BCL11B: variants seen among roughly 807,000 people sequenced by gnomAD.
BCL11B encodes the protein BCL11 transcription factor B, also known as B-cell lymphoma/leukemia 11B.
BCL11B carries 8 observed loss-of-function variants against 49.9 expected under a neutral mutation model. The observed-to-expected ratio is 0.16, with a 90% CI of 0.09 to 0.29. The LOEUF is 0.29. Among genes scored for constraint, BCL11B ranks in the 10% least tolerant of loss-of-function variants. The pLI is 1.00. For synonymous variants in BCL11B, 739 were observed against 637.4 expected (o/e 1.16, Z -2.40); for missense variants, 1,006 against 1,351.0 (o/e 0.74, Z 4.00).
At position 99,228,616 on chromosome 14, in the gene BCL11B, G is replaced by A. The variant is rs1302351692; in HGVS notation, c.640+2729C>T. On this transcript the variant is annotated intron_variant, in intron 3 of 3. Transcript: ENST00000357195. This position sits in a 1 kb window ranked among gnomAD's most constrained non-coding sequence, Gnocchi z 4.8. The stretch of plus-strand genomic sequence containing the variant: ...TGCAATCAAGCACTGGTTGCTCACA[G>A]GCTCTGAGTCCTGGCAGCTCTCAAG... Among the ~76,000 whole-genome samples the A allele has an allele frequency of 6.6e-6, 1 of 152,170 alleles. No individual in the cohort carries two copies. The highest frequency in any genetic ancestry group is 2.4e-5 in the African/African-American group (1 of 41,464).
chr14:99,245,808 A>C (rs1412655097), intron 2 of BCL11B, among the ~76,000 whole-genome samples: 1 of 152,044 alleles, frequency 6.6e-6, no homozygotes, highest in Non-Finnish European at 1.5e-5. Context: ...GTGCGCACAA[A>C]GGGGCCCGGG....
chr14:99,173,502 G>A lies in BCL11B; in HGVS notation c.*649C>T. The A allele has an allele frequency of 4.8e-6, 1 of 208,702 alleles. No individual in the cohort carries two copies. The highest frequency in any genetic ancestry group is 9.6e-6 in the Non-Finnish European group (1 of 103,770). 12.9% of individuals were successfully genotyped at this position (208,702 alleles called of 1,614,324 possible). ...GTTCTGAAACAAAGTGCTACGACTTGAAAGATTGTTATCCGCTGTACATCC... is the reference window on the plus strand; with the variant it reads ...GTTCTGAAACAAAGTGCTACGACTTAAAAGATTGTTATCCGCTGTACATCC... On this transcript the variant is annotated 3_prime_UTR_variant, in exon 4 of 4. Transcript: ENST00000357195.
rs1237626150 is a variant in BCL11B, at chr14:99,231,195, G to A, written c.640+150C>T. 5.7e-6 allele frequency: 5 copies of A among 869,598 alleles called. No individual in the cohort carries two copies. The highest frequency in any genetic ancestry group is 5.5e-5 in the East Asian group (2 of 36,222). 53.9% of individuals were successfully genotyped at this position (869,598 alleles called of 1,614,324 possible). On this transcript the variant is annotated intron_variant, in intron 3 of 3. Transcript: ENST00000357195. The surrounding 1 kb of genome is among the most constrained non-coding windows in gnomAD (Gnocchi z 8.1). Reference sequence around the variant, plus strand: ...ACCGGGCCCTGGCTCATAGTTCAGCGAACATTCTTTACCACTTCCCCTGGC... The same window carrying A: ...ACCGGGCCCTGGCTCATAGTTCAGCAAACATTCTTTACCACTTCCCCTGGC...
chr14:99,196,415 A>C (rs1432508868), intron 3 of BCL11B, among the ~76,000 whole-genome samples: 1 of 151,992 alleles, frequency 6.6e-6, no homozygotes. Flanking sequence ...CAACATGAGG[A>C]CCTCAATGTC....
At chr14:99,266,977 C>T (rs1342721990) in intron 1 of BCL11B, among the ~76,000 whole-genome samples, 4 of 152,146 alleles carry the variant, frequency 2.6e-5, no homozygotes, top group East Asian at 1.9e-4. Context: ...TATCTGTAAA[C>T]GACTGTTTTC....
intron 3 of BCL11B, among the ~76,000 whole-genome samples, chr14:99,191,968 G>A (rs954111179): frequency 6.6e-6 from 1 of 152,134 alleles, no homozygotes; most frequent in Non-Finnish European, 1.5e-5. Flanking sequence ...GGATGACCAC[G>A]CAAGCTTAAG....
chr14:99,180,284 G>A (rs770163307), intron 3 of BCL11B, among the ~76,000 whole-genome samples: 9 of 152,326 alleles, frequency 5.9e-5, no homozygotes, highest in South Asian at 2.1e-4. Flanking sequence ...ACCTAGAAAC[G>A]TCAGCTACAC....
Position 99,175,579 on chromosome 14 carries a change from G to T in BCL11B, c.1257C>A (p.Pro419=). ...LPPMPPGGTP[P]PQPPAKSKSC... is the part of the protein sequence containing the mutation. ...ACTTGCTCTTGGCTGGCGGCTGCGG[G>T]GGCGGCGTGCCGCCAGGGGGCATGG... The change falls in exon 4 of 4, where the codon CCC becomes CCA. Residue 419 remains proline (P), a synonymous_variant. Coordinates refer to ENST00000357195, the MANE Select transcript of BCL11B (RefSeq NM_138576.4). 6.3e-7 allele frequency: 1 copy of T among 1,585,412 alleles called. No homozygotes were observed.
At chr14:99,214,324 G>C (rs983087273) in intron 3 of BCL11B, among the ~76,000 whole-genome samples, 2 of 152,150 alleles carry the variant, frequency 1.3e-5, no homozygotes, top group African/African-American at 2.4e-5. Context: ...AGGCCGAAGA[G>C]AGAGGATCAT....
At chr14:99,269,279 A>G (rs1165710369) in intron 1 of BCL11B, among the ~76,000 whole-genome samples, 1 of 151,930 alleles carries the variant, frequency 6.6e-6, no homozygotes, top group Non-Finnish European at 1.5e-5. Context: ...CACCCCATCT[A>G]AAGGGGGAAG....
chr14:99,181,396 C>T (rs1040552585), intron 3 of BCL11B, among the ~76,000 whole-genome samples: 15 of 152,200 alleles, frequency 9.9e-5, no homozygotes, highest in African/African-American at 3.4e-4. Flanking sequence ...CCAGCTGGCA[C>T]GTGAGCAAAC....
chr14:99,175,210 C>T lies in BCL11B; in HGVS notation c.1626G>A (p.Glu542=). Residue 542 remains glutamate, a synonymous_variant, in exon 4 of 4, where the codon GAG becomes GAA. Transcript: ENST00000357195. ...GGCTCTCGTTCTCCAGTAGCAGCTC[C>T]TCCTCCTCCTCCTCCTCCTCCTCGT... ...EEDEEEEEEE[E]ELLLENESRP... The T allele has an allele frequency of 1.3e-6, 2 of 1,530,200 alleles. No homozygotes were observed. The highest frequency in any genetic ancestry group is 1.8e-6 in the Non-Finnish European group (2 of 1,135,662). The allele number at this position is 1,530,200 out of a possible 1,614,324, so 94.8% of individuals were successfully genotyped here.
chr14:99,228,102 G>A lies in BCL11B; in HGVS notation c.640+3243C>T, dbSNP rs1253052459. Among the ~76,000 whole-genome samples, 1 of 152,218 alleles carries A rather than the reference G, an allele frequency of 6.6e-6. No homozygotes were observed. Among genetic ancestry groups the A allele is most frequent in the Non-Finnish European group, 1.5e-5 (1 of 68,038 alleles). ...GGTAACAGGCACGCAATTAACCTGT[G>A]TGAAACACGTTTACACTGGGGTTCT... is the stretch of plus-strand genomic sequence containing the variant. On this transcript the variant is annotated intron_variant, in intron 3 of 3. Coordinates refer to ENST00000357195, the MANE Select transcript of BCL11B (RefSeq NM_138576.4). The surrounding 1 kb of genome is among the most constrained non-coding windows in gnomAD (Gnocchi z 4.8).
chr14:99,217,393 C>CACACAT (rs148995343), intron 3 of BCL11B, among the ~76,000 whole-genome samples: 13 of 149,502 alleles, frequency 8.7e-5, no homozygotes, highest in African/African-American at 3.0e-4. Context: ...CAGACACACA[C>CACACAT]ACACACACAC....
intron 2 of BCL11B, among the ~76,000 whole-genome samples, chr14:99,240,905 TG>T (rs1270829054): frequency 2.6e-5 from 4 of 152,248 alleles, no homozygotes; most frequent in Non-Finnish European, 5.9e-5. Flanking sequence ...CGCTATTTAA[TG>T]TAATTAAAGA....
intron 3 of BCL11B, among the ~76,000 whole-genome samples, chr14:99,199,003 G>A (rs112991759): frequency 2.0e-5 from 3 of 152,230 alleles, no homozygotes; most frequent in African/African-American, 4.8e-5. Context: ...CGCTTTGCGC[G>A]GGGCCGTTGT....
chr14:99,218,232 A>ATTTTTTTTTTTTTTTTTTTT (rs34932370), intron 3 of BCL11B, among the ~76,000 whole-genome samples: 1 of 112,888 alleles, frequency 8.9e-6, no homozygotes, highest in Admixed American at 9.7e-5. Flanking sequence ...TGCCTGGCTA[A>ATTTTTTTTTTTTTTTTTTTT]TTTTTTTTTT....
intron 3 of BCL11B, among the ~76,000 whole-genome samples, chr14:99,208,581 C>CA (rs1406822142): frequency 6.6e-6 from 1 of 152,184 alleles, no homozygotes; most frequent in Non-Finnish European, 1.5e-5. Context: ...CACGGGGCTG[C>CA]ACTTAACAAG....
chr14:99,186,127 G>A (rs554704457), intron 3 of BCL11B, among the ~76,000 whole-genome samples: 6 of 152,376 alleles, frequency 3.9e-5, no homozygotes, highest in Non-Finnish European at 4.4e-5. Flanking sequence ...AGTGAAGGGT[G>A]TGCCAAGCAG....
Sources: gnomAD v4.1 joint callset for allele counts (sites outside exome capture counted in the v4.1 genomes callset) on GRCh38, gnomAD v4.1.1 for gene constraint, Gnocchi (gnomAD v3.1) non-coding constraint, MANE v1.5 for transcripts, NCBI Gene and HGNC (gene_info 2026-07-23, HGNC 2026-07-21) for gene names.